The following RPS6KA5 variants were observed in gnomAD, a reference collection of about 807,000 sequenced individuals.
RPS6KA5 encodes the protein ribosomal protein S6 kinase A5, also known as ribosomal protein S6 kinase alpha-5.
RPS6KA5 carries 27 observed loss-of-function variants against 85.5 expected under a neutral mutation model. The observed-to-expected ratio is 0.32, with a 90% CI of 0.23 to 0.44. The LOEUF is 0.44. Ranked by LOEUF, RPS6KA5 falls within the 20% of genes least tolerant of loss-of-function variation. The pLI is 1.00. For synonymous variants in RPS6KA5, 334 were observed against 348.2 expected (o/e 0.96, Z 0.46); for missense variants, 811 against 980.9 (o/e 0.83, Z 2.31).
chr14:90,973,454 A>G (rs2039416359), intron 3 of RPS6KA5, among the ~76,000 whole-genome samples: 1 of 151,926 alleles, frequency 6.6e-6, no homozygotes, highest in South Asian at 2.1e-4. Flanking sequence ...GAAAAAAAAA[A>G]AAGAAGAGAT....
At position 90,890,554 on chromosome 14, in the gene RPS6KA5, G is replaced by A; in HGVS notation, c.1769C>T (p.Ala590Val). The A allele has an allele frequency of 6.2e-7, 1 of 1,614,158 alleles. No individual in the cohort carries two copies. The highest frequency in any genetic ancestry group is 8.5e-7 in the Non-Finnish European group (1 of 1,180,016). ...GCCGTTCTGATTCAAGAGCTCTGGGGCGGCATAATGAAGGGTGAAGCATGG... is the reference window on the plus strand; with the variant it reads ...GCCGTTCTGATTCAAGAGCTCTGGGACGGCATAATGAAGGGTGAAGCATGG... Reference protein sequence around the residue: ...KTPCFTLHYAAPELLNQNGYD... With the variant: ...KTPCFTLHYAVPELLNQNGYD... The change falls in exon 14 of 17, where the codon GCC (alanine) becomes GTC (valine). Residue 590 changes from alanine (A) to valine (V), a missense_variant. Ala to Val is a moderately conservative substitution (Grantham distance 64). This residue lies in a region of RPS6KA5 where 650 missense variants were observed against 793.4 expected (regional missense o/e 0.82). Coordinates refer to ENST00000614987, the MANE Select transcript of RPS6KA5 (RefSeq NM_004755.4).
intron 2 of RPS6KA5, among the ~76,000 whole-genome samples, chr14:90,990,913 T>C (rs2040279628): frequency 6.6e-6 from 1 of 152,142 alleles, no homozygotes; most frequent in South Asian, 2.1e-4. Context: ...GTTGAAAAAC[T>C]ACATATAGGG....
intron 1 of RPS6KA5, among the ~76,000 whole-genome samples, chr14:91,052,819 C>T (rs1456061939): frequency 1.6e-5 from 2 of 126,472 alleles, no homozygotes; most frequent in Admixed American, 9.1e-5. Flanking sequence ...GGGAACAGAG[C>T]GAGACTCCAT....
chr14:90,915,079 A>G (rs896554964), intron 7 of RPS6KA5, among the ~76,000 whole-genome samples: 3 of 152,248 alleles, frequency 2.0e-5, no homozygotes, highest in Non-Finnish European at 4.4e-5. Flanking sequence ...AAGAAAGCCA[A>G]GAAAGATAAT....
chr14:90,942,205 C>T (rs1011327117), intron 5 of RPS6KA5, among the ~76,000 whole-genome samples: 1 of 152,154 alleles, frequency 6.6e-6, no homozygotes, highest in Non-Finnish European at 1.5e-5. Context: ...TTATCTCACT[C>T]ACCTAGGACT....
At position 90,873,693 on chromosome 14, in the gene RPS6KA5, G is replaced by A. The variant is rs867506498; in HGVS notation, c.2099C>T (p.Thr700Ile). The change falls in exon 16 of 17, where the codon ACT becomes ATT. Residue 700 changes from threonine to isoleucine, a missense_variant. Physicochemically the swap from Thr to Ile is moderately conservative, Grantham distance 89. Around this residue, in one of 3 missense-constraint regions of RPS6KA5, gnomAD observed 650 missense variants for 793.4 expected, o/e 0.82. Transcript: ENST00000614987. ...TCCGGAAGATCCTAGAATATCCGGAGTCATCAGAGGATTGGAGGACAGCTG... is the reference window on the plus strand; with the variant it reads ...TCCGGAAGATCCTAGAATATCCGGAATCATCAGAGGATTGGAGGACAGCTG... ...GSQLSSNPLM[T>I]PDILGSSGAA... is the part of the protein sequence containing the mutation. The A allele has an allele frequency of 1.2e-6, 2 of 1,614,040 alleles. No homozygotes were observed. Among genetic ancestry groups the A allele is most frequent in the Non-Finnish European group, 1.7e-6 (2 of 1,180,000 alleles).
intron 14 of RPS6KA5, among the ~76,000 whole-genome samples, chr14:90,888,212 G>C (rs896762569): frequency 2.6e-5 from 4 of 152,068 alleles, no homozygotes; most frequent in Admixed American, 6.6e-5. Context: ...GATTTAGAGA[G>C]AAGCATGGCT....
At chr14:90,879,929 G>A (rs1379184011) in intron 14 of RPS6KA5, among the ~76,000 whole-genome samples, 3 of 151,794 alleles carry the variant, frequency 2.0e-5, no homozygotes, top group Admixed American at 6.6e-5. Flanking sequence ...GATTACAGGC[G>A]CCTGCCACCA....
At chr14:90,890,437 G>C (rs1396478938) in intron 14 of RPS6KA5, 50 bp downstream of exon 14, 1 of 1,469,294 alleles carries the variant, frequency 6.8e-7, no homozygotes, top group Middle Eastern at 1.8e-4. Flanking sequence ...TAAGGAGAGA[G>C]GACACCAAAG....
At chr14:91,021,736 A>G (rs2041790838) in intron 1 of RPS6KA5, among the ~76,000 whole-genome samples, 1 of 152,096 alleles carries the variant, frequency 6.6e-6, no homozygotes, top group Non-Finnish European at 1.5e-5. Context: ...TTTAATGCAC[A>G]AGTTGTCCCA....
rs191896295 is a variant in RPS6KA5, at chr14:91,025,323, C to G, written c.104-24164G>C. On this transcript the variant is annotated intron_variant, in intron 1 of 16. Transcript: ENST00000614987. ...CCTCCCAAAGTGCTGGGATTATAGG[C>G]GTGAGCCACCACGCCCAGTCTCCTT... 3.5e-3 allele frequency among the ~76,000 whole-genome samples: 527 copies of G among 152,316 alleles called. 4 individuals are homozygous for G. The highest frequency in any genetic ancestry group is 0.012 in the African/African-American group (487 of 41,564).
At chr14:91,026,043 T>C (rs1219666039) in intron 1 of RPS6KA5, among the ~76,000 whole-genome samples, 1 of 152,160 alleles carries the variant, frequency 6.6e-6, no homozygotes, top group African/African-American at 2.4e-5. Flanking sequence ...TATGTCCCTG[T>C]GTACCAATGT....
intron 2 of RPS6KA5, among the ~76,000 whole-genome samples, chr14:90,988,093 A>G (rs948223384): frequency 6.6e-6 from 1 of 152,258 alleles, no homozygotes. Context: ...TTTTAAATTG[A>G]GAAGCGACAT....
intron 14 of RPS6KA5, among the ~76,000 whole-genome samples, chr14:90,884,833 C>A (rs1020695858): frequency 1.3e-5 from 2 of 152,064 alleles, no homozygotes; most frequent in African/African-American, 4.8e-5. Flanking sequence ...TGGATATATT[C>A]CTGAATTGGA....
intron 16 of RPS6KA5, among the ~76,000 whole-genome samples, chr14:90,872,954 C>T (rs1227867255): frequency 6.6e-6 from 1 of 152,200 alleles, no homozygotes; most frequent in African/African-American, 2.4e-5. Flanking sequence ...GATAGAAATT[C>T]TTGCAGTTAA....
chr14:90,922,968 T>C (rs917998470), intron 6 of RPS6KA5, 145 bp downstream of exon 6: 18 of 612,842 alleles, frequency 2.9e-5, no homozygotes, highest in African/African-American at 2.0e-4. Flanking sequence ...TGTTCAGGAA[T>C]ACAAAGCAAA....
At chr14:90,923,234 CTAG>C (rs760704083) in intron 5 of RPS6KA5, 38 bp from the exon 6 acceptor site, 16 of 1,486,072 alleles carry the variant, frequency 1.1e-5, no homozygotes, top group Non-Finnish European at 1.4e-5. Flanking sequence ...TGATTTCAAG[CTAG>C]TATGACAAGT....
rs1234203402 is a variant in RPS6KA5 at position 90,868,081 on chromosome 14, T to C, written c.*3993A>G. The stretch of plus-strand genomic sequence containing the variant: ...CAATAAAACACGTAAATAACTACTC[T>C]TAAGGAAAATATTTTCTCTAAAGAA... On this transcript the variant is annotated 3_prime_UTR_variant, in exon 17 of 17. Transcript: ENST00000614987. The C allele has an allele frequency of 2.6e-5, 4 of 152,194 alleles. No homozygotes were observed. The highest frequency in any genetic ancestry group is 9.7e-5 in the African/African-American group (4 of 41,446). 9.4% of individuals were successfully genotyped at this position (152,194 alleles called of 1,614,324 possible).
intron 1 of RPS6KA5, among the ~76,000 whole-genome samples, chr14:91,033,531 G>C (rs893608780): frequency 6.6e-6 from 1 of 152,096 alleles, no homozygotes; most frequent in Admixed American, 6.5e-5. Context: ...GAAACCGGGA[G>C]GCAGAGTTTG....
Sources: gnomAD v4.1 joint callset for allele counts (sites outside exome capture counted in the v4.1 genomes callset) on GRCh38, gnomAD v4.1.1 for gene constraint, gnomAD v4.1.1 regional missense constraint, MANE v1.5 for transcripts, NCBI Gene and HGNC (gene_info 2026-07-23, HGNC 2026-07-21) for gene names.